Variants in KIFC3 observed in about 807,000 individuals in gnomAD.
KIFC3 encodes the protein kinesin-like protein KIFC3.
KIFC3 carries 60 observed loss-of-function variants against 101.8 expected under a neutral mutation model. The observed-to-expected ratio is 0.59, with a 90% CI of 0.48 to 0.73. KIFC3 has a LOEUF of 0.73. Ranked by LOEUF, KIFC3 falls within the 30% of genes least tolerant of loss-of-function variation. KIFC3 has a pLI of 0.00. For synonymous variants in KIFC3, 476 were observed against 482.7 expected, an observed-to-expected ratio of 0.99 and a Z score of 0.18; for missense variants, 966 against 1,137.1, an observed-to-expected ratio of 0.85 and a Z score of 2.16.
At chr16:57,785,661 G>A (rs782175259) in intron 3 of KIFC3, 284 of 1,239,598 alleles carry the variant, frequency 2.3e-4, no homozygotes, top group Non-Finnish European at 2.6e-4. Flanking sequence ...CCAAAGAGAC[G>A]CCCACCTACG....
intron 1 of KIFC3, among the ~76,000 whole-genome samples, chr16:57,814,222 C>T (rs1401375639): frequency 5.9e-5 from 9 of 152,170 alleles, no homozygotes. Flanking sequence ...CCCATATCCC[C>T]ACCTGCAGCC....
chr16:57,802,671 C>G, upstream of KIFC3: 1 of 1,003,712 alleles, frequency 1.0e-6, no homozygotes, highest in South Asian at 1.8e-5. The surrounding 1 kb of genome is among the most constrained non-coding windows in gnomAD (Gnocchi z 5.0). Context: ...CACTCCCACT[C>G]CTTCGCGGGG....
chr16:57,766,991 G>C lies in KIFC3; in HGVS notation c.1219-6C>G. ...TCCTCGATGGCCTGGCCTATCTGGTGGGGGGTGCACACCACTGTCAGGGGG... is the reference window on the plus strand; with the variant it reads ...TCCTCGATGGCCTGGCCTATCTGGTCGGGGGTGCACACCACTGTCAGGGGG... On this transcript the variant is annotated splice_polypyrimidine_tract_variant and splice_region_variant and intron_variant, in intron 9 of 19. Coordinates refer to ENST00000445690, the MANE Select transcript of KIFC3 (RefSeq NM_001130100.2). The C allele has an allele frequency of 6.2e-7, 1 of 1,607,296 alleles. No individual in the cohort carries two copies. Among genetic ancestry groups the C allele is most frequent in the Non-Finnish European group, 8.5e-7 (1 of 1,175,610 alleles).
chr16:57,833,617 T>C (rs972478351), intron 1 of KIFC3, among the ~76,000 whole-genome samples: 22 of 152,046 alleles, frequency 1.4e-4, no homozygotes, highest in Admixed American at 7.2e-4. Flanking sequence ...GGGACTCCCA[T>C]GGTGTCAGTA....
intron 3 of KIFC3, among the ~76,000 whole-genome samples, chr16:57,785,857 C>T (rs2053265466): frequency 6.6e-6 from 1 of 152,142 alleles, no homozygotes; most frequent in African/African-American, 2.4e-5. Context: ...CAGAAGAAGA[C>T]ACTTCCCCAG....
intron 1 of KIFC3, among the ~76,000 whole-genome samples, chr16:57,829,495 T>C (rs782806906): frequency 3.3e-5 from 5 of 152,228 alleles, no homozygotes; most frequent in Non-Finnish European, 5.9e-5. Flanking sequence ...GCTCCAGTGA[T>C]CCTTCTGCCT....
chr16:57,816,822 C>G (rs937791915), intron 1 of KIFC3: 2 of 446,120 alleles, frequency 4.5e-6, no homozygotes, highest in Non-Finnish European at 9.0e-6. Context: ...CCATCCCACC[C>G]CCAGTAAGAC....
rs138156705 is a variant in KIFC3, at chr16:57,776,122, C to T, written c.316-3834G>A. ...CACAGAAAGAAAACCTGCTGGTTAC[C>T]TCCTTACCTCCCACCAAGCCCAGTC... On this transcript the variant is annotated intron_variant, in intron 3 of 19. Coordinates refer to ENST00000445690, the MANE Select transcript of KIFC3 (RefSeq NM_001130100.2). 9.3e-4 allele frequency: 918 copies of T among 985,514 alleles called. 12 individuals are homozygous for T. The African/African-American group carries it at 0.015, about 16-fold the overall frequency. 61.0% of individuals were successfully genotyped at this position (985,514 alleles called of 1,614,324 possible). A position where few individuals can be genotyped will look rare whatever the true frequency, so the allele number is the denominator to read the frequency against.
intron 1 of KIFC3, among the ~76,000 whole-genome samples, chr16:57,853,954 T>C (rs1422536495): frequency 1.3e-5 from 2 of 152,042 alleles, no homozygotes; most frequent in Non-Finnish European, 2.9e-5. Flanking sequence ...TTGATTATTA[T>C]TTTTTGAGAC....
At chr16:57,814,943 C>T (rs141686199) in intron 1 of KIFC3, among the ~76,000 whole-genome samples, 7 of 152,186 alleles carry the variant, frequency 4.6e-5, no homozygotes, top group African/African-American at 1.2e-4. Flanking sequence ...TTCTTTTGTC[C>T]GCTATAAAAC....
At chr16:57,857,686 G>C (rs1196126275) in intron 1 of KIFC3, among the ~76,000 whole-genome samples, 1 of 150,748 alleles carries the variant, frequency 6.6e-6, no homozygotes, top group Non-Finnish European at 1.5e-5. Flanking sequence ...TGAGAATGAT[G>C]GTTTCCAGCT....
intron 12 of KIFC3, 73 bp from the exon 13 acceptor site, chr16:57,762,343 A>G: frequency 7.2e-7 from 1 of 1,392,680 alleles, no homozygotes; most frequent in Admixed American, 2.6e-5. Context: ...CTGTCCCCAA[A>G]GCCCCTTGAC....
At chr16:57,795,168 GAC>G (rs782808144) in intron 2 of KIFC3, 27 bp from the exon 3 acceptor site, 2 of 1,600,746 alleles carry the variant, frequency 1.2e-6, no homozygotes, top group South Asian at 2.2e-5. Context: ...AGATAGGTGA[GAC>G]ACTCCGACCA....
At position 57,764,197 on chromosome 16, in the gene KIFC3, A is replaced by T; in HGVS notation, c.1563T>A (p.Asn521Lys). 4.1e-6 allele frequency: 6 copies of T among 1,464,642 alleles called. No homozygotes were observed. The highest frequency in any genetic ancestry group is 5.5e-6 in the Non-Finnish European group (6 of 1,084,936). The allele number at this position is 1,464,642 out of a possible 1,614,324, so 90.7% of individuals were successfully genotyped here. Residue 521 changes from asparagine (N) to lysine (K), a missense_variant, in exon 12 of 20, where the codon AAT becomes AAA. Coordinates refer to ENST00000445690, the MANE Select transcript of KIFC3 (RefSeq NM_001130100.2). ...TCTGGCCGTACGCAAAGATGCAGACATTGAAGCCATCAATGCAAGAGGTGA... is the reference window on the plus strand; with the variant it reads ...TCTGGCCGTACGCAAAGATGCAGACTTTGAAGCCATCAATGCAAGAGGTGA... ...ALVTSCIDGF[N>K]VCIFAYGQTG...
At chr16:57,795,230 C>A (rs2054194606) in intron 2 of KIFC3, 89 bp from the exon 3 acceptor site, 1 of 1,480,322 alleles carries the variant, frequency 6.8e-7, no homozygotes, top group South Asian at 1.3e-5. Flanking sequence ...CGCAGCTGAG[C>A]TCAGCTTTCA....
intron 1 of KIFC3, among the ~76,000 whole-genome samples, chr16:57,836,012 C>G (rs1031247239): frequency 3.3e-5 from 5 of 152,184 alleles, no homozygotes; most frequent in Admixed American, 1.3e-4. Context: ...GCCCTCACTT[C>G]CAACCCAGAA....
chr16:57,759,215 C>T (rs1555593022), intron 18 of KIFC3, 62 bp from the exon 19 acceptor site: 1 of 1,537,064 alleles, frequency 6.5e-7, no homozygotes, highest in Non-Finnish European at 8.8e-7. Context: ...CCCCACAAGA[C>T]CCTGCTGCTG....
At chr16:57,787,079 T>C (rs1236799517) in intron 3 of KIFC3, among the ~76,000 whole-genome samples, 1 of 152,232 alleles carries the variant, frequency 6.6e-6, no homozygotes, top group Non-Finnish European at 1.5e-5. Flanking sequence ...TCCTGCGATC[T>C]GTTCTAGAGT....
upstream of KIFC3, among the ~76,000 whole-genome samples, chr16:57,805,673 C>CTTT (rs5817120): frequency 3.1e-5 from 3 of 97,992 alleles, no homozygotes; most frequent in African/African-American, 1.1e-4. Flanking sequence ...TGCCCATAGA[C>CTTT]TTTTTTTTTT....
Sources: gnomAD v4.1 joint callset for allele counts (sites outside exome capture counted in the v4.1 genomes callset) on GRCh38, gnomAD v4.1.1 for gene constraint, Gnocchi (gnomAD v3.1) non-coding constraint, MANE v1.5 for transcripts, NCBI Gene and HGNC (gene_info 2026-07-23, HGNC 2026-07-21) for gene names.